Variants in TAF3 observed in about 807,000 individuals in gnomAD.
TAF3 encodes the protein transcription initiation factor TFIID subunit 3.
Under a neutral mutation model 80.6 loss-of-function variants are expected in TAF3, and 7 were observed. That is an observed-to-expected ratio of 0.09 (90% confidence interval 0.05 to 0.16). TAF3 has a LOEUF of 0.16. TAF3 is among the 10% of genes least tolerant of loss of function. The probability of loss-of-function intolerance (pLI) is 1.00; values close to 1 mark genes in which losing one functional copy is unlikely to be tolerated. For synonymous variants in TAF3, 444 were observed against 446.1 expected, an observed-to-expected ratio of 1.00 and a Z score of 0.06; for missense variants, 921 against 1,140.2, an observed-to-expected ratio of 0.81 and a Z score of 2.77.
intron 2 of TAF3, among the ~76,000 whole-genome samples, chr10:7,853,092 G>C (rs1433316484): frequency 6.6e-6 from 1 of 152,126 alleles, no homozygotes. Flanking sequence ...ACCCATTTTT[G>C]AGAGTGAGTT....
chr10:7,863,760 T>C (rs1374572137), intron 2 of TAF3, among the ~76,000 whole-genome samples: 2 of 142,424 alleles, frequency 1.4e-5, no homozygotes, highest in African/African-American at 2.6e-5. Context: ...CATATATATA[T>C]ACACACATGG....
rs200659533 is a variant in TAF3, at chr10:8,003,206, TTCTC to T, written c.2316-5862_2316-5859del. 8.7e-3 allele frequency among the ~76,000 whole-genome samples: 1,319 copies of T among 152,176 alleles called. 67 individuals carry two copies. The highest frequency in any genetic ancestry group is 0.078 in the Admixed American group (1,188 of 15,274). On this transcript the variant is annotated intron_variant, in intron 4 of 6. Coordinates refer to ENST00000344293, the MANE Select transcript of TAF3 (RefSeq NM_031923.4). The stretch of plus-strand genomic sequence containing the variant: ...CTTCTTTAGTGTTCAGTGGTTTTTT[TTCTC>T]TCTCTCTCTTTTCTTTTATCAGACC...
Position 7,905,466 on chromosome 10 carries a change from T to G in TAF3, c.410-58454T>G, listed in dbSNP as rs1837599454. 2.0e-5 allele frequency among the ~76,000 whole-genome samples: 3 copies of G among 152,358 alleles called. No individual in the cohort carries two copies. In the South Asian group the frequency reaches 6.2e-4, roughly 32 times the overall value. ...TTGCTATTCAACTTCATTCACTTTT[T>G]TAGTTTGGATAACGAGTTCAGATGG... On this transcript the variant is annotated intron_variant, in intron 2 of 6. Coordinates refer to ENST00000344293, the MANE Select transcript of TAF3 (RefSeq NM_031923.4).
In TAF3 at chr10:7,819,007, C is replaced by G; in HGVS notation, c.166+132C>G. ...TCGAGATCTGCTGTTTCCTCGGCCT[C>G]CCACGTCCCTGGGCTTCCACTGCCG... On this transcript the variant is annotated intron_variant, in intron 1 of 6. Coordinates refer to ENST00000344293, the MANE Select transcript of TAF3 (RefSeq NM_031923.4). The G allele has an allele frequency of 5.3e-6, 5 of 950,286 alleles. No homozygotes were observed. The South Asian group carries it at 1.3e-4, about 26-fold the overall frequency. The allele number at this position is 950,286 out of a possible 1,614,324, so 58.9% of individuals were successfully genotyped here.
chr10:8,014,589 T>A, intron 6 of TAF3, 48 bp from the exon 7 acceptor site: 1 of 1,496,146 alleles, frequency 6.7e-7, no homozygotes, highest in Non-Finnish European at 9.1e-7. Context: ...GGGAGAAGAA[T>A]AGATGTCTGT....
chr10:7,986,556 A>C (rs1231968286), intron 4 of TAF3, among the ~76,000 whole-genome samples: 1 of 152,178 alleles, frequency 6.6e-6, no homozygotes, highest in East Asian at 1.9e-4. Flanking sequence ...ATGTCTTCTT[A>C]GCTCCAAAAG....
intron 2 of TAF3, among the ~76,000 whole-genome samples, chr10:7,827,285 A>G (rs1424971697): frequency 6.6e-6 from 1 of 152,122 alleles, no homozygotes; most frequent in Non-Finnish European, 1.5e-5. Context: ...AATAAGTGTA[A>G]TAACACCTAC....
chr10:7,979,160 C>T (rs4344398), intron 4 of TAF3, among the ~76,000 whole-genome samples: 6,665 of 152,020 alleles, frequency 0.044, 260 homozygotes, highest in Admixed American at 0.11. Flanking sequence ...CTGTCTAACA[C>T]GGTGAAACCC....
chr10:7,866,505 C>G (rs189398545), intron 2 of TAF3, among the ~76,000 whole-genome samples: 2 of 152,056 alleles, frequency 1.3e-5, no homozygotes, highest in Non-Finnish European at 2.9e-5. Context: ...GAAGAGTGAG[C>G]GCAAAACCTC....
At chr10:7,825,899 A>G (rs1022976673) in intron 2 of TAF3, among the ~76,000 whole-genome samples, 13 of 151,986 alleles carry the variant, frequency 8.6e-5, no homozygotes, top group Non-Finnish European at 4.4e-5. Flanking sequence ...GTAATTGTCT[A>G]TTTAATTTTT....
chr10:7,931,417 C>T (rs1358230440), intron 2 of TAF3, among the ~76,000 whole-genome samples: 1 of 152,040 alleles, frequency 6.6e-6, no homozygotes, highest in Admixed American at 6.6e-5. Flanking sequence ...TACTATTTTC[C>T]CCTGCGATAG....
rs141277288 is a variant in TAF3, at chr10:7,960,136, AC to A, written c.410-3782del. ...GTTTTGGCATCATTGGGATTTATGAACCTCTGTGGAGTAGGAGGAGGTTCTT... is the reference window on the plus strand; with the variant it reads ...GTTTTGGCATCATTGGGATTTATGAACTCTGTGGAGTAGGAGGAGGTTCTT... On this transcript the variant is annotated intron_variant, in intron 2 of 6. Coordinates refer to ENST00000344293, the MANE Select transcript of TAF3 (RefSeq NM_031923.4). Among the ~76,000 whole-genome samples the A allele has an allele frequency of 4.7e-3, 717 of 152,322 alleles. 6 individuals are homozygous for A. Among genetic ancestry groups the A allele is most frequent in the African/African-American group, 0.017 (686 of 41,572 alleles).
chr10:7,992,952 A>G (rs553959989), intron 4 of TAF3, among the ~76,000 whole-genome samples: 4 of 152,292 alleles, frequency 2.6e-5, no homozygotes, highest in African/African-American at 9.6e-5. Flanking sequence ...TCAGTATGCA[A>G]CTCTAAAAAT....
intron 2 of TAF3, among the ~76,000 whole-genome samples, chr10:7,884,364 C>G (rs1837388219): frequency 6.6e-6 from 1 of 151,290 alleles, no homozygotes; most frequent in Non-Finnish European, 1.5e-5. Context: ...GCCCTGGAAG[C>G]AGCCGTTTCT....
chr10:7,840,214 G>A (rs1398366086), intron 2 of TAF3, among the ~76,000 whole-genome samples: 2 of 150,588 alleles, frequency 1.3e-5, no homozygotes, highest in South Asian at 2.1e-4. Context: ...GTGCAGTGGC[G>A]CCATCTCGGC....
At position 7,958,913 on chromosome 10, in the gene TAF3, T is replaced by A. The variant is rs1314611011; in HGVS notation, c.410-5007T>A. 7.9e-5 allele frequency among the ~76,000 whole-genome samples: 12 copies of A among 152,154 alleles called. No homozygotes were observed. In the East Asian group the frequency reaches 2.3e-3, roughly 29 times the overall value. ...ACTTTGGGAGGCTGAGGTGGGCGGA[T>A]CACAAGGTCAGGACATCGAGACCAT... is the stretch of plus-strand genomic sequence containing the variant. On this transcript the variant is annotated intron_variant, in intron 2 of 6. Coordinates refer to ENST00000344293, the MANE Select transcript of TAF3 (RefSeq NM_031923.4).
At chr10:7,862,612 A>G (rs931860266) in intron 2 of TAF3, among the ~76,000 whole-genome samples, 4 of 152,232 alleles carry the variant, frequency 2.6e-5, no homozygotes, top group African/African-American at 9.6e-5. Context: ...TGTCACAGTC[A>G]AAATTATGAA....
At position 8,015,036 on chromosome 10, in the gene TAF3, T is replaced by G; in HGVS notation, c.*285T>G. On this transcript the variant is annotated 3_prime_UTR_variant, in exon 7 of 7. Transcript: ENST00000344293. ...TAATACCAGTGACAAGTATTATTAA[T>G]AAAGAGCGTACATCTTCCCTTTTGA... 7.0e-6 allele frequency: 2 copies of G among 284,436 alleles called. No homozygotes were observed. Among genetic ancestry groups the G allele is most frequent in the Non-Finnish European group, 1.4e-5 (2 of 147,832 alleles). The allele number at this position is 284,436 out of a possible 1,614,324, so 17.6% of individuals were successfully genotyped here.
At chr10:7,996,596 T>C (rs911231148) in intron 4 of TAF3, among the ~76,000 whole-genome samples, 2 of 152,050 alleles carry the variant, frequency 1.3e-5, no homozygotes, top group African/African-American at 4.8e-5. Flanking sequence ...TATAGTAATA[T>C]GATTGTGACA....
Sources: allele counts gnomAD v4.1 joint callset (sites outside exome capture counted in the v4.1 genomes callset), GRCh38; gene constraint gnomAD v4.1.1; transcripts MANE v1.5; gene names NCBI Gene and HGNC (gene_info 2026-07-23, HGNC 2026-07-21).